The following RTRAF variants were observed in gnomAD, a reference collection of about 807,000 sequenced individuals.
RTRAF encodes tRNA-splicing ligase complex subunit RTRAF.
Under a neutral mutation model 34.4 loss-of-function variants are expected in RTRAF, and 14 were observed. The ratio of observed to expected loss-of-function variants is 0.41; its 90% CI spans 0.27 to 0.64. The LOEUF (loss-of-function observed/expected upper bound fraction) is 0.64. RTRAF is among the 30% of genes least tolerant of loss of function. The probability of loss-of-function intolerance (pLI) is 0.34; values close to 1 mark genes in which losing one functional copy is unlikely to be tolerated. For missense variants in RTRAF, 291 were observed against 288.4 expected (o/e 1.01, Z -0.06); for synonymous variants, 96 against 95.3 (o/e 1.01, Z -0.04).
At position 52,008,421 on chromosome 14, in the gene RTRAF, A is replaced by G. The variant is rs1229783726; in HGVS notation, c.*3905A>G. ...TGATTGCAGCCTTGTGAGAGACTCC[A>G]TGCCTGAGGGAGCTCGGTGAAGACA... On this transcript the variant is annotated 3_prime_UTR_variant, in exon 8 of 8. Coordinates refer to ENST00000261700, the MANE Select transcript of RTRAF (RefSeq NM_016039.3). 1 of 153,420 alleles carries G rather than the reference A, an allele frequency of 6.5e-6. No individual in the cohort carries two copies. Among genetic ancestry groups the G allele is most frequent in the African/African-American group, 2.4e-5 (1 of 41,454 alleles). 9.5% of individuals were successfully genotyped at this position (153,420 alleles called of 1,614,324 possible).
At chr14:51,997,344 T>C (rs890030234) in intron 3 of RTRAF, among the ~76,000 whole-genome samples, 1 of 151,986 alleles carries the variant, frequency 6.6e-6, no homozygotes, top group African/African-American at 2.4e-5. Flanking sequence ...AGTTTTCCCA[T>C]CTCTAATTTA....
Position 52,005,802 on chromosome 14 carries a change from T to A in RTRAF, c.*1286T>A. On this transcript the variant is annotated 3_prime_UTR_variant, in exon 8 of 8. Coordinates refer to ENST00000261700, the MANE Select transcript of RTRAF (RefSeq NM_016039.3). ...GTGAGATCGTTGTTCTGGGAGATAC[T>A]CATCAGTAAACTGGCCACTATGTTT... 6.2e-7 allele frequency: 1 copy of A among 1,613,876 alleles called. No homozygotes were observed. The highest frequency in any genetic ancestry group is 8.5e-7 in the Non-Finnish European group (1 of 1,179,754).
rs988119897 is a variant in RTRAF, at chr14:52,005,647, G to A, written c.*1131G>A. The A allele has an allele frequency of 7.4e-7, 1 of 1,354,118 alleles. No individual in the cohort carries two copies. Among genetic ancestry groups the A allele is most frequent in the African/African-American group, 1.4e-5 (1 of 69,772 alleles). The allele number at this position is 1,354,118 out of a possible 1,614,324, so 83.9% of individuals were successfully genotyped here. ...GGGCAGGAAGAAGGCAATGGTGGCA[G>A]TGTCACAGGCAGCAGGGGTAATCAA... is the stretch of plus-strand genomic sequence containing the variant. On this transcript the variant is annotated 3_prime_UTR_variant, in exon 8 of 8. Transcript: ENST00000261700.
Position 51,999,690 on chromosome 14 carries a change from G to C in RTRAF, c.374-18G>C. 1 of 1,564,472 alleles carries C rather than the reference G, an allele frequency of 6.4e-7. No individual in the cohort carries two copies. The highest frequency in any genetic ancestry group is 2.2e-5 in the East Asian group (1 of 44,570). ...TTTGCAGGGTTGTAAGTTTTTGTTT[G>C]TTTTTAATCTTTTATAGTAAATAAT... is the stretch of plus-strand genomic sequence containing the variant. On this transcript the variant is annotated intron_variant, in intron 4 of 7. Transcript: ENST00000261700.
At chr14:52,003,693 G>GTCTT (rs1490934378) in intron 6 of RTRAF, among the ~76,000 whole-genome samples, 1 of 152,134 alleles carries the variant, frequency 6.6e-6, no homozygotes, top group East Asian at 1.9e-4. Flanking sequence ...TCCAAGTCAA[G>GTCTT]TCTTGAAAGT....
At position 52,008,415 on chromosome 14, in the gene RTRAF, G is replaced by C. The variant is rs1018140191; in HGVS notation, c.*3899G>C. ...ATTACCTGATTGCAGCCTTGTGAGAGACTCCATGCCTGAGGGAGCTCGGTG... is the reference window on the plus strand; with the variant it reads ...ATTACCTGATTGCAGCCTTGTGAGACACTCCATGCCTGAGGGAGCTCGGTG... On this transcript the variant is annotated 3_prime_UTR_variant, in exon 8 of 8. Coordinates refer to ENST00000261700, the MANE Select transcript of RTRAF (RefSeq NM_016039.3). The C allele has an allele frequency of 6.5e-6, 1 of 153,734 alleles. No individual in the cohort carries two copies. Among genetic ancestry groups the C allele is most frequent in the Non-Finnish European group, 1.4e-5 (1 of 69,114 alleles). 9.5% of individuals were successfully genotyped at this position (153,734 alleles called of 1,614,324 possible). A position where few individuals can be genotyped will look rare whatever the true frequency, so the allele number is the denominator to read the frequency against.
At chr14:51,993,148 GTTA>G (rs1171534983) in intron 2 of RTRAF, among the ~76,000 whole-genome samples, 1 of 151,966 alleles carries the variant, frequency 6.6e-6, no homozygotes, top group Non-Finnish European at 1.5e-5. Flanking sequence ...AACCTAAACA[GTTA>G]TTATCCTTCA....
chr14:51,998,660 G>A, intron 4 of RTRAF, 80 bp downstream of exon 4: 4 of 833,802 alleles, frequency 4.8e-6, no homozygotes, highest in Admixed American at 2.7e-5. Flanking sequence ...ATGAAGTCCA[G>A]GTTTACTTGG....
intron 3 of RTRAF, among the ~76,000 whole-genome samples, chr14:51,995,296 CTG>C (rs1412342477): frequency 6.6e-6 from 1 of 152,050 alleles, no homozygotes; most frequent in Non-Finnish European, 1.5e-5. Flanking sequence ...TCGGGGGAAT[CTG>C]TTTCTTTCCT....
At chr14:51,994,449 G>T (rs1004653836) in intron 3 of RTRAF, among the ~76,000 whole-genome samples, 1 of 152,142 alleles carries the variant, frequency 6.6e-6, no homozygotes, top group Non-Finnish European at 1.5e-5. Flanking sequence ...TACTTTGGAA[G>T]CCTTTTTATA....
rs1057148524 is a variant in RTRAF at position 52,010,406 on chromosome 14, G to A, written c.*5890G>A. 2 of 153,236 alleles carry A rather than the reference G, an allele frequency of 1.3e-5. No individual in the cohort carries two copies. The highest frequency in any genetic ancestry group is 2.9e-5 in the Non-Finnish European group (2 of 69,088). The allele number at this position is 153,236 out of a possible 1,614,324, so 9.5% of individuals were successfully genotyped here. ...TACAGACAGGGAAAATGTTTATCTT[G>A]ATTTCTGCTACAGCAACACTGAAGC... On this transcript the variant is annotated 3_prime_UTR_variant, in exon 8 of 8. Coordinates refer to ENST00000261700, the MANE Select transcript of RTRAF (RefSeq NM_016039.3).
chr14:51,993,105 G>A (rs1409859485), intron 2 of RTRAF, among the ~76,000 whole-genome samples: 1 of 146,226 alleles, frequency 6.8e-6, no homozygotes, highest in Admixed American at 6.9e-5. Context: ...TGAAACACCT[G>A]GAATGACAGT....
Position 51,991,394 on chromosome 14 carries a change from A to G in RTRAF, c.139A>G (p.Asn47Asp). Reference sequence around the variant, plus strand: ...GCACTACAAGATTGAAGACAGAGGGAATTTAAGAAACATCCACAGCAGCGA... The same window carrying G: ...GCACTACAAGATTGAAGACAGAGGGGATTTAAGAAACATCCACAGCAGCGA... ...IRHYKIEDRG[N>D]LRNIHSSDWP... The change falls in exon 2 of 8, where the codon AAT becomes GAT. Residue 47 changes from asparagine (N) to aspartate (D), a missense_variant. Physicochemically the swap from Asn to Asp is conservative, Grantham distance 23 (BLOSUM62 1). Coordinates refer to ENST00000261700, the MANE Select transcript of RTRAF (RefSeq NM_016039.3). 1 of 1,613,648 alleles carries G rather than the reference A, an allele frequency of 6.2e-7. No homozygotes were observed. The highest frequency in any genetic ancestry group is 8.5e-7 in the Non-Finnish European group (1 of 1,179,626).
rs1422398137 is a variant in RTRAF at position 52,007,084 on chromosome 14, T to G, written c.*2568T>G. ...TATTTTCTAGGTAGGAGGAAAAAAG[T>G]GACTAAAATGGTAACATAACTCATA... is the stretch of plus-strand genomic sequence containing the variant. On this transcript the variant is annotated 3_prime_UTR_variant, in exon 8 of 8. Transcript: ENST00000261700. 1.3e-5 allele frequency: 2 copies of G among 155,638 alleles called. No individual in the cohort carries two copies. Among genetic ancestry groups the G allele is most frequent in the East Asian group, 3.8e-4 (2 of 5,316 alleles). 9.6% of individuals were successfully genotyped at this position (155,638 alleles called of 1,614,324 possible).
chr14:52,001,263 C>T (rs1890598236), intron 5 of RTRAF, among the ~76,000 whole-genome samples: 1 of 152,112 alleles, frequency 6.6e-6, no homozygotes, highest in African/African-American at 2.4e-5. Context: ...TACTTGCATG[C>T]ATGCCTACCA....
Position 51,989,678 on chromosome 14 carries a change from C to A in RTRAF, c.39C>A (p.Asn13Lys). The change falls in exon 1 of 8, where the codon AAC becomes AAA. Residue 13 changes from asparagine to lysine, a missense_variant. Transcript: ENST00000261700. ...AGTTGACGGCTCTCGACTACCACAA[C>A]CCCGCCGGCTTCAACTGCAAAGGTG... is the stretch of plus-strand genomic sequence containing the variant. Reference protein sequence around the residue: ...RRKLTALDYHNPAGFNCKDET... With the variant: ...RRKLTALDYHKPAGFNCKDET... The A allele has an allele frequency of 2.5e-6, 4 of 1,605,578 alleles. No individual in the cohort carries two copies. Among genetic ancestry groups the A allele is most frequent in the Non-Finnish European group, 3.4e-6 (4 of 1,176,484 alleles).
chr14:51,999,483 TG>T, intron 4 of RTRAF: 1 of 393,632 alleles, frequency 2.5e-6, no homozygotes, highest in Non-Finnish European at 4.6e-6. Flanking sequence ...CATCCTAAGT[TG>T]GGGACCGTCT....
intron 1 of RTRAF, among the ~76,000 whole-genome samples, chr14:51,990,552 G>GT (rs1306581479): frequency 6.6e-6 from 1 of 152,168 alleles, no homozygotes; most frequent in Non-Finnish European, 1.5e-5. Context: ...GGATGACAGT[G>GT]TTTTGTTGAT....
At chr14:51,994,038 T>A (rs1690680384) in intron 3 of RTRAF, among the ~76,000 whole-genome samples, 1 of 152,246 alleles carries the variant, frequency 6.6e-6, no homozygotes, top group African/African-American at 2.4e-5. Context: ...GCTAATTGAC[T>A]GTCTTCTCAC....
Sources: allele counts gnomAD v4.1 joint callset (sites outside exome capture counted in the v4.1 genomes callset), GRCh38; gene constraint gnomAD v4.1.1; transcripts MANE v1.5; gene names NCBI Gene and HGNC (gene_info 2026-07-23, HGNC 2026-07-21).